The following DMD variants were observed in gnomAD, a reference collection of about 807,000 sequenced individuals.
DMD encodes mutant dystrophin.
In DMD, 63 loss-of-function variants were observed where a neutral mutation model predicts 330.1. The ratio of observed to expected loss-of-function variants is 0.19; its 90% confidence interval spans 0.16 to 0.24. The LOEUF (loss-of-function observed/expected upper bound fraction) is 0.24, where lower values mean the gene tolerates loss of function less well. Ranked by LOEUF, DMD falls within the 10% of genes least tolerant of loss-of-function variation. The pLI is 1.00. For missense variants in DMD, 3,344 were observed against 2,684.1 expected (o/e 1.25, Z -5.43); for synonymous variants, 1,223 against 959.8 (o/e 1.27, Z -5.07).
chrX:31,178,460 T>TA, intron 70 of DMD: 1 of 932,782 alleles, frequency 1.1e-6, no homozygotes, highest in African/African-American at 2.0e-5. Flanking sequence ...CCCTGTGAGA[T>TA]AAAGTTTAAC....
intron 52 of DMD, among the ~76,000 whole-genome samples, chrX:31,703,422 A>T (rs2083957116): frequency 9.0e-6 from 1 of 111,647 alleles, no homozygotes; most frequent in South Asian, 3.8e-4. Flanking sequence ...TCTGCCTACA[A>T]TGCTCTCTGC....
chrX:32,109,647 G>A (rs868329881), intron 44 of DMD, among the ~76,000 whole-genome samples: 1 of 110,065 alleles, frequency 9.1e-6, no homozygotes, highest in Admixed American at 9.7e-5. Context: ...TGATCATTCT[G>A]CTGTCCTCAC....
At chrX:31,434,184 T>C (rs2149020060) in intron 60 of DMD, among the ~76,000 whole-genome samples, 1 of 111,608 alleles carries the variant, frequency 9.0e-6, no homozygotes, top group East Asian at 2.8e-4. Flanking sequence ...TAATTATACA[T>C]TAACTCTGCA....
chrX:32,449,482 G>A (rs766600370), intron 26 of DMD, among the ~76,000 whole-genome samples: 13 of 109,435 alleles, frequency 1.2e-4, no homozygotes, highest in Admixed American at 9.8e-4. Context: ...GACAAGATAC[G>A]ATACCCATAT....
chrX:31,688,210 A>T (rs760594923), intron 52 of DMD, among the ~76,000 whole-genome samples: 1 of 111,603 alleles, frequency 9.0e-6, no homozygotes, highest in Non-Finnish European at 1.9e-5. Flanking sequence ...AACAGAATTG[A>T]TAGACCGCTA....
chrX:32,780,311 TTA>T (rs2074595236), intron 7 of DMD, among the ~76,000 whole-genome samples: 1 of 112,333 alleles, frequency 8.9e-6, no homozygotes, highest in African/African-American at 3.2e-5. Flanking sequence ...ACAGAACTAT[TTA>T]GTTCATTTTA....
chrX:32,754,147 A>G (rs1446695458), intron 7 of DMD, among the ~76,000 whole-genome samples: 1 of 108,583 alleles, frequency 9.2e-6, no homozygotes, highest in Non-Finnish European at 1.9e-5. Flanking sequence ...TGGTCACTTA[A>G]TATCTACCAA....
At chrX:32,199,529 T>C (rs2097022327) in intron 44 of DMD, among the ~76,000 whole-genome samples, 1 of 109,498 alleles carries the variant, frequency 9.1e-6, no homozygotes, top group Non-Finnish European at 1.9e-5. Flanking sequence ...CTTGCAAATT[T>C]TGGGGAAGGG....
intron 4 of DMD, among the ~76,000 whole-genome samples, chrX:32,832,834 C>T (rs1389577088): frequency 7.2e-5 from 8 of 111,157 alleles, no homozygotes; most frequent in South Asian, 3.8e-4. Context: ...ACAACCTAAA[C>T]GGTGGGCCAT....
At chrX:31,540,678 A>T (rs1603343638) in intron 55 of DMD, among the ~76,000 whole-genome samples, 1 of 111,965 alleles carries the variant, frequency 8.9e-6, no homozygotes, top group East Asian at 2.8e-4. Flanking sequence ...TGCTCTGAGG[A>T]TTTTCCATTC....
chrX:31,485,763 G>C lies in DMD; in HGVS notation c.8548-6660C>G, dbSNP rs779573371. Among the ~76,000 whole-genome samples, 11 of 112,090 alleles carry C rather than the reference G, an allele frequency of 9.8e-5. No individual in the cohort carries two copies. In the South Asian group the frequency reaches 4.1e-3, roughly 42 times the overall value. ...AAAAGCCCGTGCTTTTCAAAACACAGATGTCTTTCAATCATGTACAGCTTG... is the reference window on the plus strand; with the variant it reads ...AAAAGCCCGTGCTTTTCAAAACACACATGTCTTTCAATCATGTACAGCTTG... On this transcript the variant is annotated intron_variant, in intron 57 of 78. Coordinates refer to ENST00000357033, the MANE Select transcript of DMD (RefSeq NM_004006.3).
chrX:31,271,519 A>T (rs2051632440), intron 62 of DMD, among the ~76,000 whole-genome samples: 1 of 111,366 alleles, frequency 9.0e-6, no homozygotes, highest in African/African-American at 3.3e-5. Context: ...GTGGCATAGG[A>T]AAGGACAAAG....
intron 9 of DMD, among the ~76,000 whole-genome samples, chrX:32,684,255 G>A (rs1047703252): frequency 1.8e-5 from 2 of 111,107 alleles, no homozygotes; most frequent in Admixed American, 1.9e-4. Flanking sequence ...ATATGCACAC[G>A]TAACACACAG....
At chrX:31,987,421 C>T (rs759483396) in intron 44 of DMD, among the ~76,000 whole-genome samples, 2 of 111,549 alleles carry the variant, frequency 1.8e-5, no homozygotes, top group East Asian at 2.8e-4. Flanking sequence ...ACTTTGTACC[C>T]ATTGACAATC....
intron 7 of DMD, among the ~76,000 whole-genome samples, chrX:32,737,286 C>A (rs897275953): frequency 1.8e-5 from 2 of 111,291 alleles, no homozygotes; most frequent in Non-Finnish European, 3.8e-5. Flanking sequence ...AGATTTCAAA[C>A]TCCATTTTAC....
At chrX:33,231,519 C>G (rs1434315104) in intron 1 of DMD, among the ~76,000 whole-genome samples, 1 of 111,904 alleles carries the variant, frequency 8.9e-6, no homozygotes, top group Non-Finnish European at 1.9e-5. Context: ...TTTCTTATCT[C>G]CCTTTATCAG....
At chrX:32,349,704 T>A (rs181454075) in intron 37 of DMD, among the ~76,000 whole-genome samples, 29 of 112,056 alleles carry the variant, frequency 2.6e-4, no homozygotes, top group Non-Finnish European at 4.5e-4. Context: ...CATGATGACA[T>A]GATTCTCATA....
At chrX:31,638,603 A>C (rs950673901) in intron 54 of DMD, among the ~76,000 whole-genome samples, 6 of 112,748 alleles carry the variant, frequency 5.3e-5, no homozygotes, top group African/African-American at 1.9e-4. Flanking sequence ...TGAAATGCAA[A>C]TAGACTGCTG....
chrX:31,322,514 T>C (rs972934374), intron 62 of DMD, among the ~76,000 whole-genome samples: 1 of 111,465 alleles, frequency 9.0e-6, no homozygotes, highest in South Asian at 3.7e-4. Flanking sequence ...TCTGGAAAAA[T>C]GTAATAAGAC....
Sources: gnomAD v4.1 joint callset for allele counts (sites outside exome capture counted in the v4.1 genomes callset) on GRCh38, gnomAD v4.1.1 for gene constraint, MANE v1.5 for transcripts, NCBI Gene and HGNC (gene_info 2026-07-23, HGNC 2026-07-21) for gene names.